Variants in CD3G observed in about 807,000 individuals in gnomAD.
CD3G encodes T-cell surface glycoprotein CD3 gamma chain.
CD3G carries 24 observed loss-of-function variants against 28.3 expected under a neutral mutation model. That is an observed-to-expected ratio of 0.85 (90% CI 0.61 to 1.19). The LOEUF is 1.19. Ranked by LOEUF, CD3G falls within the 50% of genes most tolerant of loss-of-function variation. The probability of loss-of-function intolerance (pLI) is 0.00; values close to 1 mark genes in which losing one functional copy is unlikely to be tolerated. For missense variants in CD3G, 211 were observed against 210.0 expected (o/e 1.00, Z -0.03); for synonymous variants, 71 against 75.9 (o/e 0.93, Z 0.34).
At chr11:118,349,109 C>T (rs753597879) in intron 2 of CD3G, 59 bp downstream of exon 2, 145 of 1,613,856 alleles carry the variant, frequency 9.0e-5, no homozygotes, top group Non-Finnish European at 1.1e-4. Context: ...AATTTGGCTT[C>T]CTACAACAGT....
chr11:118,344,659 T>C (rs974316417), intron 1 of CD3G, among the ~76,000 whole-genome samples, 181 bp downstream of exon 1: 1 of 152,206 alleles, frequency 6.6e-6, no homozygotes, highest in Non-Finnish European at 1.5e-5. Flanking sequence ...CAGTGTCCCA[T>C]GGAGGAGAAG....
intron 1 of CD3G, among the ~76,000 whole-genome samples, chr11:118,344,682 C>G (rs1411948011): frequency 6.6e-6 from 1 of 152,242 alleles, no homozygotes; most frequent in Non-Finnish European, 1.5e-5. Flanking sequence ...ATCCTTGTCT[C>G]TGAAAAATGC....
In CD3G at chr11:118,350,426, C is replaced by T. The variant is rs186352098; in HGVS notation, c.308-126C>T. The T allele has an allele frequency of 2.7e-3, 2,111 of 783,778 alleles. 7 individuals carry two copies. Among genetic ancestry groups the T allele is most frequent in the Middle Eastern group, 4.5e-3 (19 of 4,250 alleles). The allele number at this position is 783,778 out of a possible 1,614,324, so 48.6% of individuals were successfully genotyped here. ...GTTTTGGCGCAAGGATCTTCCCTTG[C>T]CCTGCCACCCACAGAGGAAAAGCCT... On this transcript the variant is annotated intron_variant, in intron 3 of 6. Transcript: ENST00000532917.
chr11:118,349,316 C>T (rs1180826091), intron 2 of CD3G: 1 of 1,400,086 alleles, frequency 7.1e-7, no homozygotes, highest in Non-Finnish European at 9.3e-7. Flanking sequence ...GACCCATGAA[C>T]CAGTAGGTAT....
intron 4 of CD3G, chr11:118,350,955 G>A (rs1181394): frequency 2.3e-5 from 22 of 958,112 alleles, no homozygotes; most frequent in Non-Finnish European, 2.8e-5. Context: ...TTGGGAGGCC[G>A]AGGCGGGCAG....
chr11:118,348,360 G>A (rs1948375095), intron 1 of CD3G, among the ~76,000 whole-genome samples: 1 of 152,098 alleles, frequency 6.6e-6, no homozygotes, highest in African/African-American at 2.4e-5. Flanking sequence ...AGAAAGTGCT[G>A]TACTTCCTAT....
intron 3 of CD3G, chr11:118,350,305 T>C (rs987662868): frequency 1.7e-6 from 1 of 584,886 alleles, no homozygotes; most frequent in African/African-American, 1.9e-5. Context: ...ATGAAGAGTA[T>C]CTAGTCTTCC....
chr11:118,352,615 T>C (rs1591286371), intron 6 of CD3G, 128 bp downstream of exon 6: 6 of 737,066 alleles, frequency 8.1e-6, no homozygotes, highest in Non-Finnish European at 1.2e-5. Context: ...GATTGGGACG[T>C]GGTTTGGGGT....
At position 118,354,634 on chromosome 11, in the gene CD3G, C is replaced by G. The variant is rs567137318; in HGVS notation, c.*1534C>G. The G allele has an allele frequency of 6.6e-6, 1 of 151,636 alleles. No homozygotes were observed. The highest frequency in any genetic ancestry group is 1.5e-5 in the Non-Finnish European group (1 of 67,896). 9.4% of individuals were successfully genotyped at this position (151,636 alleles called of 1,614,324 possible). On this transcript the variant is annotated 3_prime_UTR_variant, in exon 7 of 7. Coordinates refer to ENST00000532917, the MANE Select transcript of CD3G (RefSeq NM_000073.3). ...CAGGTGTGAGCCACCGCGCCAGGCC[C>G]GTAACTGTATTTTAATATAGCCATT...
intron 4 of CD3G, among the ~76,000 whole-genome samples, 159 bp from the exon 5 acceptor site, chr11:118,351,469 T>C (rs763042713): frequency 1.8e-4 from 27 of 152,228 alleles, no homozygotes; most frequent in Non-Finnish European, 3.8e-4. Flanking sequence ...TAAGTATTCT[T>C]GTGAGTAGCT....
chr11:118,347,451 G>A (rs1339898520), intron 1 of CD3G, among the ~76,000 whole-genome samples: 1 of 151,752 alleles, frequency 6.6e-6, no homozygotes, highest in African/African-American at 2.4e-5. Context: ...CATAAACTTT[G>A]GAAGCAGCAG....
chr11:118,349,798 T>C lies in CD3G; in HGVS notation c.135T>C (p.Thr45=). ...AAGAAGATGGTTCGGTACTTCTGACTTGTGATGCAGAAGCCAAAAATATCA... is the reference window on the plus strand; with the variant it reads ...AAGAAGATGGTTCGGTACTTCTGACCTGTGATGCAGAAGCCAAAAATATCA... ...DYQEDGSVLL[T]CDAEAKNITW... is the part of the protein sequence containing the mutation. Residue 45 remains threonine (T), a synonymous_variant, in exon 3 of 7, where the codon ACT becomes ACC. Coordinates refer to ENST00000532917, the MANE Select transcript of CD3G (RefSeq NM_000073.3). 1.2e-6 allele frequency: 2 copies of C among 1,614,170 alleles called. No homozygotes were observed. The highest frequency in any genetic ancestry group is 2.2e-5 in the South Asian group (2 of 91,084).
chr11:118,345,203 A>C (rs912212330), intron 1 of CD3G, among the ~76,000 whole-genome samples: 2 of 152,126 alleles, frequency 1.3e-5, no homozygotes, highest in Non-Finnish European at 2.9e-5. Flanking sequence ...GGGCAGTTAG[A>C]GAAAAAAAAA....
intron 1 of CD3G, among the ~76,000 whole-genome samples, chr11:118,344,696 C>T (rs1232747961): frequency 6.6e-6 from 1 of 152,218 alleles, no homozygotes; most frequent in African/African-American, 2.4e-5. Context: ...AAAATGCAAA[C>T]AGAGTACTTA....
chr11:118,345,969 A>G (rs887216652), intron 1 of CD3G, among the ~76,000 whole-genome samples: 5 of 152,218 alleles, frequency 3.3e-5, no homozygotes, highest in Non-Finnish European at 5.9e-5. Flanking sequence ...TAAAGACAAC[A>G]CAGGTTGAGG....
intron 1 of CD3G, among the ~76,000 whole-genome samples, chr11:118,347,754 G>C (rs1411893034): frequency 6.6e-6 from 1 of 152,134 alleles, no homozygotes; most frequent in Non-Finnish European, 1.5e-5. Context: ...GAGTAGCTGG[G>C]ACTACAGGTG....
intron 1 of CD3G, 63 bp from the exon 2 acceptor site, chr11:118,348,964 A>C: frequency 6.4e-7 from 1 of 1,560,382 alleles, no homozygotes. Context: ...CCATGGAAAT[A>C]CTTCAGGGCA....
intron 1 of CD3G, among the ~76,000 whole-genome samples, chr11:118,346,457 A>T (rs1160880837): frequency 6.6e-6 from 1 of 151,936 alleles, no homozygotes; most frequent in East Asian, 1.9e-4. Context: ...ACAAAAAAAA[A>T]AGAAATGTGG....
chr11:118,346,259 C>A (rs1948354964), intron 1 of CD3G, among the ~76,000 whole-genome samples: 1 of 152,048 alleles, frequency 6.6e-6, no homozygotes, highest in African/African-American at 2.4e-5. Context: ...CATGGTGAAA[C>A]TCTATCTCTA....
Sources: allele counts gnomAD v4.1 joint callset (sites outside exome capture counted in the v4.1 genomes callset), GRCh38; gene constraint gnomAD v4.1.1; transcripts MANE v1.5; gene names NCBI Gene and HGNC (gene_info 2026-07-23, HGNC 2026-07-21).